RARB: variants seen among roughly 807,000 people sequenced by gnomAD.
RARB encodes the protein HBV-activated protein.
In RARB, 17 loss-of-function variants were observed where a neutral mutation model predicts 51.9. The observed-to-expected ratio is 0.33, with a 90% CI of 0.22 to 0.49. The LOEUF (loss-of-function observed/expected upper bound fraction) is 0.49. Ranked by LOEUF, RARB falls within the 20% of genes least tolerant of loss-of-function variation. The pLI, the probability that RARB is intolerant of heterozygous loss-of-function variation, is 0.99. For synonymous variants in RARB, 215 were observed against 195.4 expected, an observed-to-expected ratio of 1.10 and a Z score of -0.84; for missense variants, 369 against 550.8, an observed-to-expected ratio of 0.67 and a Z score of 3.30.
At chr3:24,879,166 A>T (rs1703106536) in intron 2 of RARB, among the ~76,000 whole-genome samples, 1 of 152,084 alleles carries the variant, frequency 6.6e-6, no homozygotes, top group African/African-American at 2.4e-5. Context: ...ACGGTGGCTC[A>T]CGCCTGTAAT....
At position 25,514,508 on chromosome 3, in the gene RARB, TA is replaced by T. The variant is rs113460115; in HGVS notation, c.448+13197del. Among the ~76,000 whole-genome samples, 1,455 of 146,418 alleles carry T rather than the reference TA, an allele frequency of 9.9e-3. 11 individuals are homozygous for T. Among genetic ancestry groups the T allele is most frequent in the African/African-American group, 0.03 (1,189 of 40,260 alleles). ...ACCAAGCGTAAAATACCTCCATGATTAAAAAAAAAAAATCTGCTCCTTTCAT... is the reference window on the plus strand; with the variant it reads ...ACCAAGCGTAAAATACCTCCATGATTAAAAAAAAAAATCTGCTCCTTTCAT... On this transcript the variant is annotated intron_variant, in intron 3 of 7. Coordinates refer to ENST00000330688, the MANE Select transcript of RARB (RefSeq NM_000965.5).
chr3:24,874,206 A>T (rs560463505), intron 2 of RARB, among the ~76,000 whole-genome samples: 1 of 152,192 alleles, frequency 6.6e-6, no homozygotes, highest in East Asian at 1.9e-4. Context: ...GAATAGAACA[A>T]TATGGTACTA....
chr3:25,301,392 G>T (rs1324727582), intron 5 of RARB, among the ~76,000 whole-genome samples: 1 of 152,162 alleles, frequency 6.6e-6, no homozygotes, highest in Non-Finnish European at 1.5e-5. Flanking sequence ...GGCACTGTTG[G>T]CTTCAAGCTT....
At chr3:25,555,093 A>G (rs1048530864) in intron 3 of RARB, among the ~76,000 whole-genome samples, 2 of 152,246 alleles carry the variant, frequency 1.3e-5, no homozygotes, top group South Asian at 2.1e-4. Flanking sequence ...TATTCAAACC[A>G]TAGCAGGTTC....
chr3:24,898,341 TTA>T (rs1703523471), intron 2 of RARB, among the ~76,000 whole-genome samples: 1 of 149,898 alleles, frequency 6.7e-6, no homozygotes. Flanking sequence ...ATATTGTATA[TTA>T]TATAATAAAT....
chr3:25,345,503 A>G (rs562207905), intron 5 of RARB, among the ~76,000 whole-genome samples: 71 of 152,070 alleles, frequency 4.7e-4, no homozygotes, highest in Middle Eastern at 3.4e-3. Flanking sequence ...TGTCTCTACT[A>G]AAAATACAAA....
At chr3:25,330,321 A>C (rs978745896) in intron 5 of RARB, among the ~76,000 whole-genome samples, 64 of 152,244 alleles carry the variant, frequency 4.2e-4, no homozygotes, top group African/African-American at 1.5e-3. Flanking sequence ...ATCTCTCGGC[A>C]GACACTCTGC....
At chr3:25,575,625 T>C (rs1360829732) in intron 4 of RARB, among the ~76,000 whole-genome samples, 2 of 152,176 alleles carry the variant, frequency 1.3e-5, no homozygotes, top group Non-Finnish European at 2.9e-5. Context: ...ATCTTCTCCC[T>C]GTGTTTCTTC....
intron 5 of RARB, among the ~76,000 whole-genome samples, chr3:25,204,455 C>A (rs1701478331): frequency 6.6e-6 from 1 of 152,200 alleles, no homozygotes; most frequent in South Asian, 2.1e-4. Context: ...CACCTTTGTT[C>A]CATTGCTGGT....
intron 2 of RARB, among the ~76,000 whole-genome samples, chr3:25,034,265 G>T (rs565416753): frequency 6.6e-6 from 1 of 152,110 alleles, no homozygotes; most frequent in Non-Finnish European, 1.5e-5. Flanking sequence ...AGTCAAGATC[G>T]CACCACTGCA....
intron 5 of RARB, among the ~76,000 whole-genome samples, chr3:25,281,272 C>T (rs914645630): frequency 1.2e-4 from 18 of 152,158 alleles, no homozygotes; most frequent in Non-Finnish European, 1.8e-4. Context: ...AGGGCCATCT[C>T]GTCTATTGAA....
Position 25,491,359 on chromosome 3 carries a change from T to C in RARB, c.307-9823T>C, listed in dbSNP as rs181438911. Reference sequence around the variant, plus strand: ...ACCCCTCCTGTAAGGTTTTTCTTTCTAGCTTTTACTCAGGTCGTGGAATTT... The same window carrying C: ...ACCCCTCCTGTAAGGTTTTTCTTTCCAGCTTTTACTCAGGTCGTGGAATTT... On this transcript the variant is annotated intron_variant, in intron 2 of 7. Coordinates refer to ENST00000330688, the MANE Select transcript of RARB (RefSeq NM_000965.5). Among the ~76,000 whole-genome samples the C allele has an allele frequency of 3.3e-5, 5 of 152,194 alleles. No individual in the cohort carries two copies. The East Asian group carries it at 5.8e-4, about 18-fold the overall frequency.
chr3:25,288,829 T>G (rs536518468), intron 5 of RARB, among the ~76,000 whole-genome samples: 2 of 152,342 alleles, frequency 1.3e-5, no homozygotes, highest in Admixed American at 1.3e-4. Context: ...TGTAGAAATT[T>G]GAGACATTGA....
chr3:24,962,907 C>A (rs1559413394), intron 2 of RARB, among the ~76,000 whole-genome samples: 1 of 152,082 alleles, frequency 6.6e-6, no homozygotes, highest in South Asian at 2.1e-4. Flanking sequence ...TGTTAGCATC[C>A]CCATTTTACA....
At chr3:25,022,808 T>C (rs1697666326) in intron 2 of RARB, among the ~76,000 whole-genome samples, 1 of 152,046 alleles carries the variant, frequency 6.6e-6, no homozygotes, top group Non-Finnish European at 1.5e-5. Flanking sequence ...AGAAGCAGCA[T>C]GGTGGGAAAG....
At chr3:25,035,038 G>C (rs1697956958) in intron 2 of RARB, among the ~76,000 whole-genome samples, 1 of 152,160 alleles carries the variant, frequency 6.6e-6, no homozygotes, top group African/African-American at 2.4e-5. Context: ...AATAAGTAAA[G>C]AAATATTAAT....
chr3:25,006,205 T>C (rs1289205522), intron 2 of RARB, among the ~76,000 whole-genome samples: 2 of 152,192 alleles, frequency 1.3e-5, no homozygotes, highest in African/African-American at 2.4e-5. Flanking sequence ...TTTGTATTCA[T>C]AGCATATATA....
intron 2 of RARB, among the ~76,000 whole-genome samples, chr3:24,929,165 A>G (rs1695389555): frequency 6.6e-6 from 1 of 152,110 alleles, no homozygotes; most frequent in African/African-American, 2.4e-5. Context: ...TAGTAAACAA[A>G]TGTATAAAGG....
At chr3:24,857,246 A>G (rs1213320306) in intron 1 of RARB, among the ~76,000 whole-genome samples, 1 of 152,192 alleles carries the variant, frequency 6.6e-6, no homozygotes, top group Non-Finnish European at 1.5e-5. Flanking sequence ...CATTCCTCAG[A>G]TGGGAGAACT....
Sources: gnomAD v4.1 joint callset for allele counts (sites outside exome capture counted in the v4.1 genomes callset) on GRCh38, gnomAD v4.1.1 for gene constraint, MANE v1.5 for transcripts, NCBI Gene and HGNC (gene_info 2026-07-23, HGNC 2026-07-21) for gene names.